The following MCTP1 variants were observed in gnomAD, a reference collection of about 807,000 sequenced individuals.
MCTP1 encodes multiple C2 and transmembrane domain containing 1, also known as multiple C2 and transmembrane domain-containing protein 1.
MCTP1 carries 69 observed loss-of-function variants against 120.6 expected under a neutral mutation model. The ratio of observed to expected loss-of-function variants is 0.57; its 90% confidence interval spans 0.47 to 0.70. The LOEUF is 0.70. MCTP1 is among the 30% of genes least tolerant of loss of function. MCTP1 has a pLI of 0.00. For synonymous variants in MCTP1, 529 were observed against 493.1 expected (o/e 1.07, Z -0.96); for missense variants, 1,203 against 1,248.8 (o/e 0.96, Z 0.55).
chr5:95,249,207 T>A (rs1025519643), intron 1 of MCTP1, among the ~76,000 whole-genome samples: 1 of 151,974 alleles, frequency 6.6e-6, no homozygotes, highest in Admixed American at 6.6e-5. Flanking sequence ...AAAGAAACTA[T>A]CATCAGAGTG....
intron 18 of MCTP1, chr5:94,788,698 A>G (rs1017824386): frequency 7.3e-6 from 1 of 137,516 alleles, no homozygotes; most frequent in Non-Finnish European, 1.6e-5. Flanking sequence ...CCCCATGTTT[A>G]GAATAGTTTG....
At chr5:95,099,753 C>T (rs1756573608) in intron 1 of MCTP1, among the ~76,000 whole-genome samples, 1 of 151,290 alleles carries the variant, frequency 6.6e-6, no homozygotes, top group South Asian at 2.1e-4. Flanking sequence ...TACCATTTGA[C>T]CCAGCCATCC....
chr5:94,953,052 C>T lies in MCTP1; in HGVS notation c.981+167G>A, dbSNP rs188683466. Among the ~76,000 whole-genome samples, 258 of 152,302 alleles carry T rather than the reference C, an allele frequency of 1.7e-3. 3 individuals are homozygous for T. Among genetic ancestry groups the T allele is most frequent in the Non-Finnish European group, 3.7e-4 (25 of 68,012 alleles). On this transcript the variant is annotated intron_variant, in intron 3 of 22. Coordinates refer to ENST00000515393, the MANE Select transcript of MCTP1 (RefSeq NM_024717.7). The stretch of plus-strand genomic sequence containing the variant: ...TGGAGAAGAATGCCCCTGCTAGCTC[C>T]TCCTTCCCTCTATCTCACTTCTATC...
intron 19 of MCTP1, among the ~76,000 whole-genome samples, chr5:94,762,517 C>G (rs1771590906): frequency 6.6e-6 from 1 of 152,180 alleles, no homozygotes; most frequent in Non-Finnish European, 1.5e-5. Context: ...CTGTGGCCAT[C>G]ATTTTTCCAA....
At chr5:94,734,398 G>A (rs761546310) in intron 19 of MCTP1, among the ~76,000 whole-genome samples, 1 of 152,150 alleles carries the variant, frequency 6.6e-6, no homozygotes, top group Non-Finnish European at 1.5e-5. Flanking sequence ...ACATTTTAGG[G>A]TATATCTTTC....
chr5:95,067,837 TATACA>T (rs1411633882), intron 1 of MCTP1, among the ~76,000 whole-genome samples: 3 of 152,158 alleles, frequency 2.0e-5, no homozygotes, highest in East Asian at 1.9e-4. Flanking sequence ...AATTTGGAAA[TATACA>T]ATACATTATT....
chr5:95,210,892 T>A (rs1752282587), intron 1 of MCTP1, among the ~76,000 whole-genome samples: 1 of 152,154 alleles, frequency 6.6e-6, no homozygotes, highest in Non-Finnish European at 1.5e-5. Flanking sequence ...TCTCTCAGCA[T>A]TTGCTTGTGT....
intron 2 of MCTP1, among the ~76,000 whole-genome samples, chr5:94,990,339 G>T (rs1272082998): frequency 6.6e-6 from 1 of 152,226 alleles, no homozygotes; most frequent in African/African-American, 2.4e-5. Context: ...CCATTTAGCT[G>T]CAATCAAGCC....
intron 1 of MCTP1, among the ~76,000 whole-genome samples, chr5:95,222,933 GCAGGCTGGAAAC>G (rs1370085060): frequency 1.3e-5 from 2 of 152,230 alleles, no homozygotes. Flanking sequence ...GTGTGAGCCA[GCAGGCTGGAAAC>G]CCATGAGAGA....
In MCTP1 at chr5:94,916,958, C is replaced by T. The variant is rs542199794; in HGVS notation, c.1350+938G>A. On this transcript the variant is annotated intron_variant, in intron 8 of 22. Transcript: ENST00000515393. Reference sequence around the variant, plus strand: ...CTATTAATACAATTGTAGACATTAACGTGAATATTATTTATGCTATTTAAA... The same window carrying T: ...CTATTAATACAATTGTAGACATTAATGTGAATATTATTTATGCTATTTAAA... Among the ~76,000 whole-genome samples, 5 of 152,286 alleles carry T rather than the reference C, an allele frequency of 3.3e-5. No homozygotes were observed. The East Asian group carries it at 9.6e-4, about 29-fold the overall frequency.
intron 1 of MCTP1, chr5:95,068,850 A>G (rs940458548): frequency 8.0e-6 from 10 of 1,245,622 alleles, no homozygotes; most frequent in African/African-American, 3.1e-5. Context: ...AATTATAAAA[A>G]TTTTACGTAA....
intron 1 of MCTP1, among the ~76,000 whole-genome samples, chr5:95,264,717 G>A (rs948355573): frequency 1.3e-5 from 2 of 152,120 alleles, no homozygotes; most frequent in African/African-American, 4.8e-5. Flanking sequence ...ACAGAGTGAG[G>A]GTCCAAATCA....
intron 1 of MCTP1, chr5:95,154,271 A>G (rs531207766): frequency 2.0e-5 from 3 of 152,196 alleles, no homozygotes; most frequent in Non-Finnish European, 4.4e-5. Flanking sequence ...TATTCACAGA[A>G]GGCCTGTAGG....
At chr5:94,968,682 A>ATG (rs1218153379) in intron 2 of MCTP1, among the ~76,000 whole-genome samples, 2 of 152,206 alleles carry the variant, frequency 1.3e-5, no homozygotes, top group African/African-American at 4.8e-5. Flanking sequence ...ATTGCATAAA[A>ATG]CCACAAGATG....
chr5:94,742,110 C>T (rs2161242), intron 19 of MCTP1, among the ~76,000 whole-genome samples: 29,162 of 151,992 alleles, frequency 0.19, 2,841 homozygotes, highest in South Asian at 0.29. Context: ...TAGGGTAAAA[C>T]GGCTGGAAAG....
At chr5:94,894,607 T>C (rs200160716) in intron 11 of MCTP1, 42 bp downstream of exon 11, 124 of 1,409,530 alleles carry the variant, frequency 8.8e-5, no homozygotes, top group Non-Finnish European at 1.1e-4. Flanking sequence ...CAACCTGATC[T>C]AGTCACATGT....
intron 1 of MCTP1, among the ~76,000 whole-genome samples, chr5:95,251,451 T>C (rs2152699395): frequency 6.6e-6 from 1 of 152,224 alleles, no homozygotes; most frequent in Non-Finnish European, 1.5e-5. Context: ...CATGAGTCAT[T>C]ATGAAAGAAT....
At chr5:94,845,391 C>G (rs1274985483) in intron 17 of MCTP1, among the ~76,000 whole-genome samples, 4 of 152,116 alleles carry the variant, frequency 2.6e-5, no homozygotes, top group Non-Finnish European at 5.9e-5. Context: ...ATGGGAAAAC[C>G]GGGCCCCATG....
At chr5:94,722,657 A>G (rs1561529280) in intron 19 of MCTP1, among the ~76,000 whole-genome samples, 1 of 152,182 alleles carries the variant, frequency 6.6e-6, no homozygotes. Context: ...CTTCTATCCC[A>G]AAGAGCTAAT....
Sources: allele counts gnomAD v4.1 joint callset (sites outside exome capture counted in the v4.1 genomes callset), GRCh38; gene constraint gnomAD v4.1.1; transcripts MANE v1.5; gene names NCBI Gene and HGNC (gene_info 2026-07-23, HGNC 2026-07-21).